PARP8: variants seen among roughly 807,000 people sequenced by gnomAD.
PARP8 encodes poly(ADP-ribose) polymerase family member 8.
PARP8 carries 51 observed loss-of-function variants against 124.1 expected under a neutral mutation model. The ratio of observed to expected loss-of-function variants is 0.41; its 90% CI spans 0.33 to 0.52. PARP8 has a LOEUF of 0.52. Ranked by LOEUF, PARP8 falls within the 20% of genes least tolerant of loss-of-function variation. The probability of loss-of-function intolerance (pLI) is 0.21; values close to 1 mark genes in which losing one functional copy is unlikely to be tolerated. For synonymous variants in PARP8, 391 were observed against 361.5 expected (o/e 1.08, Z -0.93); for missense variants, 860 against 1,018.9 (o/e 0.84, Z 2.12).
At chr5:50,768,011 A>ATGTG (rs371344583) in intron 7 of PARP8, among the ~76,000 whole-genome samples, 119 of 150,026 alleles carry the variant, frequency 7.9e-4, no homozygotes, top group South Asian at 4.6e-3. Flanking sequence ...ATATACATAT[A>ATGTG]TGTGTGTGTG....
At chr5:50,673,228 T>G (rs1320518036) in intron 2 of PARP8, among the ~76,000 whole-genome samples, 1 of 152,188 alleles carries the variant, frequency 6.6e-6, no homozygotes, top group Non-Finnish European at 1.5e-5. Context: ...TCTTCATATC[T>G]TTTTTAAAAT....
At chr5:50,838,695 C>A (rs1318924255) in intron 25 of PARP8, among the ~76,000 whole-genome samples, 1 of 152,052 alleles carries the variant, frequency 6.6e-6, no homozygotes, top group Non-Finnish European at 1.5e-5. Context: ...CATTCTCCAA[C>A]ATATAGAGTC....
At chr5:50,767,382 T>G (rs1761156236) in intron 7 of PARP8, among the ~76,000 whole-genome samples, 2 of 152,154 alleles carry the variant, frequency 1.3e-5, no homozygotes, top group African/African-American at 4.8e-5. Flanking sequence ...AAAAACAGTC[T>G]GACTCTGAAA....
chr5:50,704,904 G>T lies in PARP8; in HGVS notation c.146+36779G>T, dbSNP rs1241245998. On this transcript the variant is annotated intron_variant, in intron 2 of 25. Transcript: ENST00000281631. ...GATTCGTTGATCTATTTGAAGAGTT[G>T]CAAGATTACTCTAGAGCAGTGTAAT... is the stretch of plus-strand genomic sequence containing the variant. Among the ~76,000 whole-genome samples the T allele has an allele frequency of 2.0e-5, 3 of 152,162 alleles. No individual in the cohort carries two copies. The East Asian group carries it at 5.8e-4, about 29-fold the overall frequency.
intron 14 of PARP8, among the ~76,000 whole-genome samples, chr5:50,805,880 T>G (rs2149673411): frequency 6.6e-6 from 1 of 152,102 alleles, no homozygotes; most frequent in South Asian, 2.1e-4. Flanking sequence ...TAACTGCAAT[T>G]TTGTCATTTC....
chr5:50,771,101 C>CTA (rs1199642379), intron 7 of PARP8, among the ~76,000 whole-genome samples: 12 of 149,098 alleles, frequency 8.0e-5, no homozygotes, highest in African/African-American at 3.0e-4. Flanking sequence ...TGCTCTCTCT[C>CTA]TCTATATATA....
chr5:50,699,947 C>A (rs1753415102), intron 2 of PARP8, among the ~76,000 whole-genome samples: 1 of 152,058 alleles, frequency 6.6e-6, no homozygotes, highest in Non-Finnish European at 1.5e-5. Flanking sequence ...GTAAAAGTTC[C>A]ATTAACTTGC....
chr5:50,827,892 G>A lies in PARP8; in HGVS notation c.1978-52G>A, dbSNP rs1746519170. The A allele has an allele frequency of 2.3e-6, 3 of 1,304,404 alleles. No individual in the cohort carries two copies. The African/African-American group carries it at 4.4e-5, about 19-fold the overall frequency. The allele number at this position is 1,304,404 out of a possible 1,614,324, so 80.8% of individuals were successfully genotyped here. A position where few individuals can be genotyped will look rare whatever the true frequency, so the allele number is the denominator to read the frequency against. On this transcript the variant is annotated intron_variant, in intron 19 of 25. Coordinates refer to ENST00000281631, the MANE Select transcript of PARP8 (RefSeq NM_024615.4). ...TAAAATTTGAAATTGTCATCAGCCT[G>A]AATATATGTTAAGTTTTACATGTTT...
At chr5:50,783,472 A>G (rs1230196719) in intron 9 of PARP8, among the ~76,000 whole-genome samples, 1 of 152,192 alleles carries the variant, frequency 6.6e-6, no homozygotes, top group African/African-American at 2.4e-5. Flanking sequence ...CTATCGTGCT[A>G]TAGATTTTAT....
At chr5:50,744,827 T>C (rs1199151355) in intron 2 of PARP8, 4 of 683,898 alleles carry the variant, frequency 5.8e-6, no homozygotes, top group African/African-American at 3.6e-5. Context: ...TGCTTTCTTC[T>C]CATGTCCACC....
At chr5:50,834,319 C>G (rs73104803) in intron 24 of PARP8, among the ~76,000 whole-genome samples, 1 of 152,006 alleles carries the variant, frequency 6.6e-6, no homozygotes. Context: ...TCAAGTAATG[C>G]TTATCTCTTT....
At position 50,803,307 on chromosome 5, in the gene PARP8, C is replaced by T. The variant is rs148543080; in HGVS notation, c.1575+6074C>T. On this transcript the variant is annotated intron_variant, in intron 14 of 25. Coordinates refer to ENST00000281631, the MANE Select transcript of PARP8 (RefSeq NM_024615.4). ...GTCTGGATTTTGATGTGTCTAAGTG[C>T]CTCTTTAAATTTATCCTATTTGGAG... Among the ~76,000 whole-genome samples the T allele has an allele frequency of 3.2e-4, 49 of 152,112 alleles. No homozygotes were observed. In the East Asian group the frequency reaches 7.1e-3, roughly 22 times the overall value.
intron 14 of PARP8, among the ~76,000 whole-genome samples, chr5:50,810,539 C>G (rs537599199): frequency 1.3e-5 from 2 of 151,968 alleles, no homozygotes; most frequent in African/African-American, 4.8e-5. Context: ...AATATAACTA[C>G]TTGTGTGTCT....
intron 3 of PARP8, among the ~76,000 whole-genome samples, chr5:50,754,009 A>G (rs888998521): frequency 1.0e-4 from 15 of 149,660 alleles, no homozygotes; most frequent in Non-Finnish European, 5.9e-5. Flanking sequence ...TCTATAAAAC[A>G]TACACATTAA....
chr5:50,836,012 TG>T (rs1160125151), intron 25 of PARP8, among the ~76,000 whole-genome samples: 2 of 152,162 alleles, frequency 1.3e-5, no homozygotes, highest in African/African-American at 4.8e-5. Flanking sequence ...AAAATGGAAC[TG>T]TTAAGGTTGC....
At chr5:50,814,191 T>G (rs1333287080) in intron 14 of PARP8, among the ~76,000 whole-genome samples, 3 of 152,010 alleles carry the variant, frequency 2.0e-5, no homozygotes, top group Non-Finnish European at 4.4e-5. Flanking sequence ...GCCACTCTTA[T>G]ATCATACCAT....
intron 14 of PARP8, among the ~76,000 whole-genome samples, chr5:50,814,788 G>A (rs555400868): frequency 6.6e-6 from 1 of 152,180 alleles, no homozygotes; most frequent in African/African-American, 2.4e-5. Context: ...ATGTAACTTG[G>A]GAGATAAGAT....
intron 2 of PARP8, among the ~76,000 whole-genome samples, chr5:50,735,370 T>C (rs1321354271): frequency 6.6e-6 from 1 of 152,156 alleles, no homozygotes; most frequent in Non-Finnish European, 1.5e-5. Context: ...ATGTGACTCC[T>C]TTGTTCTAAT....
chr5:50,714,532 C>T (rs1755104301), intron 2 of PARP8, among the ~76,000 whole-genome samples: 1 of 151,992 alleles, frequency 6.6e-6, no homozygotes, highest in Non-Finnish European at 1.5e-5. Context: ...GTTTTAAGCC[C>T]CGCATGCATT....
Sources: allele counts gnomAD v4.1 joint callset (sites outside exome capture counted in the v4.1 genomes callset), GRCh38; gene constraint gnomAD v4.1.1; transcripts MANE v1.5; gene names NCBI Gene and HGNC (gene_info 2026-07-23, HGNC 2026-07-21).